Variants in C1orf87 observed in about 807,000 individuals in gnomAD.
C1orf87 encodes the protein uncharacterized protein C1orf87.
Under a neutral mutation model 60.5 loss-of-function variants are expected in C1orf87, and 58 were observed. The observed-to-expected ratio is 0.96, with a 90% CI of 0.78 to 1.19. The LOEUF is 1.19. C1orf87 is among the 50% of genes most tolerant of loss of function. The pLI, the probability that C1orf87 is intolerant of heterozygous loss-of-function variation, is 0.00. For missense variants in C1orf87, 673 were observed against 638.6 expected (o/e 1.05, Z -0.58); for synonymous variants, 236 against 227.4 (o/e 1.04, Z -0.34).
At chr1:60,045,209 G>C (rs769230638) in intron 3 of C1orf87, among the ~76,000 whole-genome samples, 3 of 152,128 alleles carry the variant, frequency 2.0e-5, no homozygotes, top group Non-Finnish European at 4.4e-5. Flanking sequence ...CCAAGGTACT[G>C]GGGTGTTCTA....
intron 8 of C1orf87, among the ~76,000 whole-genome samples, chr1:60,014,180 A>G (rs968688791): frequency 3.3e-5 from 5 of 152,138 alleles, no homozygotes; most frequent in Non-Finnish European, 7.4e-5. Context: ...GAAGGAAAGG[A>G]GATGTGGGGA....
chr1:60,025,279 A>T, intron 8 of C1orf87, 122 bp downstream of exon 8: 4 of 714,762 alleles, frequency 5.6e-6, no homozygotes, highest in African/African-American at 1.8e-5. Context: ...ACATCATCTA[A>T]ACCTAATCAC....
At chr1:60,005,157 C>T (rs1375101699) in intron 9 of C1orf87, among the ~76,000 whole-genome samples, 1 of 152,058 alleles carries the variant, frequency 6.6e-6, no homozygotes, top group African/African-American at 2.4e-5. Context: ...AAATGACAGA[C>T]ATTTCCACAT....
Position 60,072,518 on chromosome 1 carries a change from T to G in C1orf87, c.107+19A>C. The G allele has an allele frequency of 6.5e-7, 1 of 1,545,250 alleles. No homozygotes were observed. The highest frequency in any genetic ancestry group is 8.8e-7 in the Non-Finnish European group (1 of 1,132,500). On this transcript the variant is annotated intron_variant, in intron 2 of 11. Transcript: ENST00000371201. ...ATTATCATCCAAGCAACATAGATAT[T>G]TTTCAAATATGGACTTACATCTTTG...
At chr1:60,004,191 T>C (rs552792697) in intron 9 of C1orf87, among the ~76,000 whole-genome samples, 3 of 152,162 alleles carry the variant, frequency 2.0e-5, no homozygotes, top group South Asian at 4.1e-4. Flanking sequence ...AGACCTAACA[T>C]CTAACCCTGA....
rs188237010 is a variant in C1orf87 at position 60,067,871 on chromosome 1, C to A, written c.107+4666G>T. Among the ~76,000 whole-genome samples, 25 of 152,048 alleles carry A rather than the reference C, an allele frequency of 1.6e-4. 1 individual carries two copies. The highest frequency in any genetic ancestry group is 5.9e-4 in the Admixed American group (9 of 15,250). On this transcript the variant is annotated intron_variant, in intron 2 of 11. Transcript: ENST00000371201. ...TTGGTTTTATGTTTTACATTTAAGT[C>A]TTTAATCCATCTTGAGTTAATTTTT...
chr1:60,006,740 G>C (rs772516238), intron 9 of C1orf87, among the ~76,000 whole-genome samples: 15 of 152,014 alleles, frequency 9.9e-5, no homozygotes, highest in Non-Finnish European at 1.8e-4. Context: ...TTTTATATGT[G>C]TCTTAATGGG....
At chr1:60,064,561 A>G (rs1422314219) in intron 2 of C1orf87, among the ~76,000 whole-genome samples, 1 of 125,704 alleles carries the variant, frequency 8.0e-6, no homozygotes, top group African/African-American at 3.0e-5. Flanking sequence ...TTTTATATAT[A>G]TAAAACTAAT....
At chr1:60,030,155 A>C (rs574809074) in intron 7 of C1orf87, among the ~76,000 whole-genome samples, 1 of 152,208 alleles carries the variant, frequency 6.6e-6, no homozygotes, top group Admixed American at 6.5e-5. Context: ...AAACCATAAA[A>C]GTCTGTTGTC....
At chr1:60,046,964 T>C (rs567599318) in intron 3 of C1orf87, among the ~76,000 whole-genome samples, 3 of 152,344 alleles carry the variant, frequency 2.0e-5, no homozygotes, top group African/African-American at 7.2e-5. Context: ...GAGAAGACAC[T>C]TTTGTAGGTG....
chr1:60,015,751 C>T (rs541046962), intron 8 of C1orf87, among the ~76,000 whole-genome samples: 1 of 152,198 alleles, frequency 6.6e-6, no homozygotes, highest in South Asian at 2.1e-4. Flanking sequence ...GTTATCACTT[C>T]TTTATTTTCA....
intron 8 of C1orf87, 53 bp from the exon 9 acceptor site, chr1:60,010,509 A>AAT (rs1645076014): frequency 6.8e-7 from 1 of 1,466,854 alleles, no homozygotes; most frequent in Admixed American, 1.7e-5. Context: ...GCCCTGAAAG[A>AAT]ATGTCCAGTG....
At chr1:60,004,997 C>G (rs893566947) in intron 9 of C1orf87, among the ~76,000 whole-genome samples, 1 of 151,738 alleles carries the variant, frequency 6.6e-6, no homozygotes, top group Non-Finnish European at 1.5e-5. Context: ...AGGTGAGAAC[C>G]CAACTCAGTA....
chr1:60,025,067 C>T (rs1443091340), intron 8 of C1orf87, among the ~76,000 whole-genome samples: 1 of 152,158 alleles, frequency 6.6e-6, no homozygotes, highest in East Asian at 1.9e-4. Flanking sequence ...ATTCAGGCTG[C>T]TATCACAAAA....
intron 3 of C1orf87, among the ~76,000 whole-genome samples, chr1:60,046,980 T>G (rs917669901): frequency 6.6e-6 from 1 of 152,240 alleles, no homozygotes; most frequent in African/African-American, 2.4e-5. Context: ...AGGTGGTATA[T>G]TTTCCTATGG....
At chr1:60,008,158 CTG>C (rs1645059177) in intron 9 of C1orf87, among the ~76,000 whole-genome samples, 1 of 152,064 alleles carries the variant, frequency 6.6e-6, no homozygotes, top group African/African-American at 2.4e-5. Context: ...TACCCCAACT[CTG>C]TAGTTCTGGA....
intron 8 of C1orf87, among the ~76,000 whole-genome samples, chr1:60,020,152 G>GA (rs143645692): frequency 0.016 from 2,465 of 152,250 alleles, 34 homozygotes; most frequent in Middle Eastern, 0.02. Context: ...GTCTAGGAGG[G>GA]AAAAATAGTT....
chr1:60,043,752 A>T (rs1282353139), intron 3 of C1orf87, among the ~76,000 whole-genome samples: 1 of 151,288 alleles, frequency 6.6e-6, no homozygotes, highest in East Asian at 1.9e-4. Context: ...ATTATTTGCA[A>T]TATAAAATAT....
intron 8 of C1orf87, among the ~76,000 whole-genome samples, chr1:60,017,720 A>T (rs1645133747): frequency 6.6e-6 from 1 of 152,142 alleles, no homozygotes; most frequent in South Asian, 2.1e-4. Flanking sequence ...ATCCAACAAA[A>T]CCTGAACTCA....
Sources: gnomAD v4.1 joint callset for allele counts (sites outside exome capture counted in the v4.1 genomes callset) on GRCh38, gnomAD v4.1.1 for gene constraint, MANE v1.5 for transcripts, NCBI Gene and HGNC (gene_info 2026-07-23, HGNC 2026-07-21) for gene names.